Variants in BTBD9 observed in about 807,000 individuals in gnomAD.
BTBD9 encodes the protein BTB/POZ domain-containing protein 9.
BTBD9 carries 49 observed loss-of-function variants against 64.3 expected under a neutral mutation model. That is an observed-to-expected ratio of 0.76 (90% CI 0.61 to 0.97). The LOEUF is 0.97. Among genes scored for constraint, BTBD9 ranks in the 50% least tolerant of loss-of-function variants. The probability of loss-of-function intolerance (pLI) is 0.00; values close to 1 mark genes in which losing one functional copy is unlikely to be tolerated. For missense variants in BTBD9, 598 were observed against 762.1 expected, an observed-to-expected ratio of 0.78 and a Z score of 2.53; for synonymous variants, 260 against 274.7, an observed-to-expected ratio of 0.95 and a Z score of 0.53.
chr6:38,177,776 A>T (rs1194157450), intron 10 of BTBD9, among the ~76,000 whole-genome samples: 1 of 152,226 alleles, frequency 6.6e-6, no homozygotes, highest in Non-Finnish European at 1.5e-5. Flanking sequence ...TAAGGGCACA[A>T]CTGTGTTTAG....
chr6:38,494,148 A>C (rs1164230992), intron 6 of BTBD9, among the ~76,000 whole-genome samples: 3 of 152,224 alleles, frequency 2.0e-5, no homozygotes, highest in Non-Finnish European at 4.4e-5. Context: ...CCAGTGGCCA[A>C]ATTTCAAAAT....
intron 6 of BTBD9, among the ~76,000 whole-genome samples, chr6:38,405,458 C>T (rs150189004): frequency 1.3e-5 from 2 of 152,282 alleles, no homozygotes; most frequent in Non-Finnish European, 2.9e-5. Flanking sequence ...AACTCTGCAT[C>T]AGCACATAAA....
chr6:38,458,942 T>A (rs1490251023), intron 6 of BTBD9, among the ~76,000 whole-genome samples: 1 of 152,226 alleles, frequency 6.6e-6, no homozygotes, highest in Non-Finnish European at 1.5e-5. Context: ...AAATGTTCTA[T>A]TAAAGGTATT....
intron 8 of BTBD9, among the ~76,000 whole-genome samples, chr6:38,274,848 G>A (rs766518843): frequency 7.4e-4 from 112 of 152,054 alleles, no homozygotes; most frequent in Non-Finnish European, 1.4e-3. Flanking sequence ...CTCTTTGTTC[G>A]TTGTGTCTCT....
intron 1 of BTBD9, among the ~76,000 whole-genome samples, chr6:38,619,641 C>T (rs956901091): frequency 2.6e-5 from 4 of 152,176 alleles, no homozygotes; most frequent in East Asian, 1.9e-4. Flanking sequence ...CATGTCATCA[C>T]ACTTACTGAG....
chr6:38,520,172 G>A lies in BTBD9; in HGVS notation c.1154+57428C>T, dbSNP rs185654471. The stretch of plus-strand genomic sequence containing the variant: ...TCACATGAAAATACACAAAATTGTC[G>A]GCCAGGCACAGTGGCTCACACCTGT... On this transcript the variant is annotated intron_variant, in intron 6 of 10. Coordinates refer to ENST00000481247, the MANE Select transcript of BTBD9 (RefSeq NM_001099272.2). Among the ~76,000 whole-genome samples, 83 of 151,550 alleles carry A rather than the reference G, an allele frequency of 5.5e-4. 1 individual carries two copies. Among genetic ancestry groups the A allele is most frequent in the Admixed American group, 3.2e-3 (48 of 15,206 alleles).
At chr6:38,335,532 C>T (rs1020004122) in intron 7 of BTBD9, among the ~76,000 whole-genome samples, 1 of 151,812 alleles carries the variant, frequency 6.6e-6, no homozygotes, top group Non-Finnish European at 1.5e-5. Flanking sequence ...AGATTACAGG[C>T]GTGAGCCACT....
chr6:38,201,226 A>G (rs62397004), intron 9 of BTBD9, among the ~76,000 whole-genome samples: 4,016 of 152,296 alleles, frequency 0.026, 143 homozygotes, highest in Admixed American at 0.094. Context: ...TTAACAGAGC[A>G]TCAAAAAGAT....
At chr6:38,335,921 G>T (rs559653602) in intron 7 of BTBD9, among the ~76,000 whole-genome samples, 1 of 152,080 alleles carries the variant, frequency 6.6e-6, no homozygotes, top group East Asian at 1.9e-4. Flanking sequence ...TTTTTGTAGA[G>T]ATAGGTTTTC....
At chr6:38,369,085 C>T (rs565989942) in intron 6 of BTBD9, among the ~76,000 whole-genome samples, 1 of 152,306 alleles carries the variant, frequency 6.6e-6, no homozygotes, top group East Asian at 1.9e-4. Context: ...CTCCTCACTT[C>T]ATAGCCAATC....
chr6:38,370,282 A>T (rs1425310138), intron 6 of BTBD9, among the ~76,000 whole-genome samples: 1 of 152,236 alleles, frequency 6.6e-6, no homozygotes, highest in African/African-American at 2.4e-5. Context: ...ATGGTAGGGC[A>T]ATCATATTAA....
At chr6:38,273,185 C>T (rs1396357698) in intron 8 of BTBD9, among the ~76,000 whole-genome samples, 1 of 152,172 alleles carries the variant, frequency 6.6e-6, no homozygotes, top group Non-Finnish European at 1.5e-5. Flanking sequence ...TTGTCAACAT[C>T]CAAAGCTTAT....
chr6:38,484,496 G>A (rs1041846791), intron 6 of BTBD9, among the ~76,000 whole-genome samples: 4 of 152,144 alleles, frequency 2.6e-5, no homozygotes, highest in Non-Finnish European at 4.4e-5. Context: ...TTTATCAACT[G>A]AGTGCTTCCT....
intron 6 of BTBD9, among the ~76,000 whole-genome samples, chr6:38,569,152 A>G (rs1285712472): frequency 6.6e-6 from 1 of 152,262 alleles, no homozygotes. Flanking sequence ...GCCAAGTCCA[A>G]TGTAGAGTCT....
intron 7 of BTBD9, among the ~76,000 whole-genome samples, chr6:38,307,444 C>T (rs1762666917): frequency 6.6e-6 from 1 of 152,188 alleles, no homozygotes; most frequent in Non-Finnish European, 1.5e-5. Context: ...AATTTTTAAG[C>T]TTTTCCTTTC....
chr6:38,607,389 T>C (rs1777465539), intron 1 of BTBD9, among the ~76,000 whole-genome samples: 1 of 152,206 alleles, frequency 6.6e-6, no homozygotes. Flanking sequence ...CATATGTTCA[T>C]ATGTGGAGCT....
intron 9 of BTBD9, among the ~76,000 whole-genome samples, chr6:38,196,709 C>A (rs1381957375): frequency 6.6e-6 from 1 of 152,218 alleles, no homozygotes; most frequent in African/African-American, 2.4e-5. Flanking sequence ...TCTCCTTCCA[C>A]AAACTCATTA....
intron 1 of BTBD9, among the ~76,000 whole-genome samples, chr6:38,603,518 A>C (rs1306161845): frequency 6.6e-6 from 1 of 152,224 alleles, no homozygotes; most frequent in African/African-American, 2.4e-5. Context: ...AAGGGGGAAA[A>C]AACCAAGTTG....
chr6:38,338,879 T>C (rs937250923), intron 7 of BTBD9, among the ~76,000 whole-genome samples: 1 of 152,168 alleles, frequency 6.6e-6, no homozygotes, highest in South Asian at 2.1e-4. Context: ...TCAATTTCTC[T>C]CCTAAGAGAA....
Sources: gnomAD v4.1 joint callset for allele counts (sites outside exome capture counted in the v4.1 genomes callset) on GRCh38, gnomAD v4.1.1 for gene constraint, MANE v1.5 for transcripts, NCBI Gene and HGNC (gene_info 2026-07-23, HGNC 2026-07-21) for gene names.